Variants in ZNF90 observed in about 807,000 individuals in gnomAD.
The protein encoded by ZNF90 is zinc finger protein HTF9.
In ZNF90, 11 loss-of-function variants were observed where a neutral mutation model predicts 12.0. The observed-to-expected ratio is 0.92, with a 90% confidence interval of 0.58 to 1.52. The LOEUF (loss-of-function observed/expected upper bound fraction) is 1.52, where lower values mean the gene tolerates loss of function less well. ZNF90 is among the 40% of genes most tolerant of loss of function. The pLI, the probability that ZNF90 is intolerant of heterozygous loss-of-function variation, is 0.00. For missense variants in ZNF90, 765 were observed against 711.5 expected, an observed-to-expected ratio of 1.08 and a Z score of -0.86; for synonymous variants, 232 against 240.1, an observed-to-expected ratio of 0.97 and a Z score of 0.31.
intron 3 of ZNF90, among the ~76,000 whole-genome samples, chr19:20,111,611 CTATTT>C (rs1378864762): frequency 1.3e-5 from 2 of 151,736 alleles, no homozygotes; most frequent in Non-Finnish European, 2.9e-5. Flanking sequence ...TTCTCATTTC[CTATTT>C]TATTTTCTTA....
chr19:20,085,612 T>C (rs113999838), intron 1 of ZNF90, among the ~76,000 whole-genome samples: 2,898 of 152,296 alleles, frequency 0.019, 93 homozygotes, highest in African/African-American at 0.066. Flanking sequence ...TTTCTCTCTT[T>C]TGGTTTTTCC....
chr19:20,088,286 A>T (rs925644408), intron 1 of ZNF90, among the ~76,000 whole-genome samples: 4 of 151,934 alleles, frequency 2.6e-5, no homozygotes, highest in African/African-American at 9.7e-5. Flanking sequence ...GGGAACCTAG[A>T]GTGGGAGAGA....
At chr19:20,109,607 C>G (rs1190957083) in intron 3 of ZNF90, among the ~76,000 whole-genome samples, 3 of 151,868 alleles carry the variant, frequency 2.0e-5, no homozygotes, top group Admixed American at 2.0e-4. Flanking sequence ...ATGGTTGTGG[C>G]TCTCGTCTGT....
At chr19:20,101,710 TGTAATTTCTC>T (rs1555703921) in intron 1 of ZNF90, among the ~76,000 whole-genome samples, 3 of 152,094 alleles carry the variant, frequency 2.0e-5, no homozygotes, top group Non-Finnish European at 2.9e-5. Context: ...CAGATGCAGG[TGTAATTTCTC>T]CAGAGAATGT....
intron 1 of ZNF90, among the ~76,000 whole-genome samples, chr19:20,079,261 C>G (rs2088802347): frequency 6.6e-6 from 1 of 151,214 alleles, no homozygotes; most frequent in African/African-American, 2.4e-5. Flanking sequence ...AAGCTTGAAC[C>G]TAGTGATTCC....
At chr19:20,099,141 C>A (rs1353325263) in intron 1 of ZNF90, among the ~76,000 whole-genome samples, 1 of 152,060 alleles carries the variant, frequency 6.6e-6, no homozygotes, top group Non-Finnish European at 1.5e-5. Flanking sequence ...GATGTCTACA[C>A]CCGAAGGGCT....
chr19:20,106,992 G>A (rs2089045048), intron 3 of ZNF90: 2 of 454,418 alleles, frequency 4.4e-6, no homozygotes, highest in African/African-American at 4.0e-5. Context: ...AGACACTAGG[G>A]CATGTTTTTG....
At chr19:20,084,840 C>T (rs369351182) in intron 1 of ZNF90, among the ~76,000 whole-genome samples, 27 of 151,892 alleles carry the variant, frequency 1.8e-4, no homozygotes, top group Non-Finnish European at 3.5e-4. Flanking sequence ...TGAGGTTGTT[C>T]GGTTTTTTCT....
At chr19:20,088,099 G>A (rs1318360984) in intron 1 of ZNF90, among the ~76,000 whole-genome samples, 1 of 152,152 alleles carries the variant, frequency 6.6e-6, no homozygotes, top group Non-Finnish European at 1.5e-5. Flanking sequence ...AGGTCACAGG[G>A]GATGCGATGG....
At chr19:20,112,737 T>C (rs2089100881) in intron 3 of ZNF90, among the ~76,000 whole-genome samples, 1 of 152,218 alleles carries the variant, frequency 6.6e-6, no homozygotes, top group Non-Finnish European at 1.5e-5. Flanking sequence ...GTATTGCTGG[T>C]TAGAAATGTT....
intron 3 of ZNF90, among the ~76,000 whole-genome samples, chr19:20,111,096 CA>C (rs782682385): frequency 6.6e-6 from 1 of 152,042 alleles, no homozygotes; most frequent in Non-Finnish European, 1.5e-5. Flanking sequence ...GTGCCATGAC[CA>C]ATGTGATGTC....
At chr19:20,078,925 G>A (rs1433135988) in intron 1 of ZNF90, among the ~76,000 whole-genome samples, 1 of 152,004 alleles carries the variant, frequency 6.6e-6, no homozygotes, top group Admixed American at 6.5e-5. Context: ...TTCTAGACCA[G>A]CCTATCCAAC....
chr19:20,117,393 T>TCC lies in ZNF90; in HGVS notation c.227-388_227-387insCC, dbSNP rs1484352431. Among the ~76,000 whole-genome samples, 19 of 149,810 alleles carry TCC rather than the reference T, an allele frequency of 1.3e-4. 1 individual carries two copies. The highest frequency in any genetic ancestry group is 4.3e-4 in the African/African-American group (17 of 39,666). On this transcript the variant is annotated intron_variant, in intron 3 of 3. Coordinates refer to ENST00000418063, the MANE Select transcript of ZNF90 (RefSeq NM_007138.2). ...CTTTTTTTTCCTTTCTTTTCTTTTC[T>TCC]TTTCTCCTTCCTTCCTTCCTTCCTT...
chr19:20,097,615 C>T (rs1158185388), intron 1 of ZNF90, among the ~76,000 whole-genome samples: 1 of 152,100 alleles, frequency 6.6e-6, no homozygotes, highest in African/African-American at 2.4e-5. Context: ...TCTTTCTACT[C>T]TGCTAAAATG....
At chr19:20,101,602 C>T (rs1274215020) in intron 1 of ZNF90, among the ~76,000 whole-genome samples, 1 of 152,206 alleles carries the variant, frequency 6.6e-6, no homozygotes, top group Non-Finnish European at 1.5e-5. Context: ...TTTTAAAGGA[C>T]ATAAATGGGT....
chr19:20,119,143 T>C lies in ZNF90; in HGVS notation c.1589T>C (p.Ile530Thr). 15 of 1,612,306 alleles carry C rather than the reference T, an allele frequency of 9.3e-6. No individual in the cohort carries two copies. The highest frequency in any genetic ancestry group is 1.2e-5 in the Non-Finnish European group (14 of 1,179,436). Residue 530 changes from isoleucine to threonine, a missense_variant, in exon 4 of 4, where the codon ATT (isoleucine) becomes ACT (threonine). By Grantham distance (89) the Ile-to-Thr change is moderately conservative (BLOSUM62 -1). Transcript: ENST00000418063. The part of the protein sequence containing the change: ...RSSVLSKHKI[I>T]HTGAKPYKCE... The stretch of plus-strand genomic sequence containing the variant: ...TCAGTCCTTAGTAAACATAAGATAA[T>C]TCATACTGGAGCGAAACCCTACAAA...
chr19:20,096,560 T>C (rs952440391), intron 1 of ZNF90, among the ~76,000 whole-genome samples: 4 of 151,712 alleles, frequency 2.6e-5, no homozygotes, highest in Non-Finnish European at 4.4e-5. Flanking sequence ...GTGGGGGTGC[T>C]TTTTGAGCCA....
rs574471636 is a variant in ZNF90 at position 20,107,464 on chromosome 19, A to T, written c.226+2148A>T. 2.5e-3 allele frequency among the ~76,000 whole-genome samples: 385 copies of T among 152,214 alleles called. 3 individuals carry two copies. Among genetic ancestry groups the T allele is most frequent in the Middle Eastern group, 0.01 (3 of 294 alleles). On this transcript the variant is annotated intron_variant, in intron 3 of 3. Transcript: ENST00000418063. ...CAGCATTTCACAACTCCCTCCCTGG[A>T]TCTCAAATCTCTCTTAGAGGCCCTT... is the stretch of plus-strand genomic sequence containing the variant.
intron 3 of ZNF90, among the ~76,000 whole-genome samples, chr19:20,107,630 G>T (rs531876935): frequency 2.0e-5 from 3 of 152,264 alleles, no homozygotes; most frequent in African/African-American, 7.2e-5. Flanking sequence ...AGGCATTTTT[G>T]TCAGGGATGG....
Sources: gnomAD v4.1 joint callset for allele counts (sites outside exome capture counted in the v4.1 genomes callset) on GRCh38, gnomAD v4.1.1 for gene constraint, MANE v1.5 for transcripts, NCBI Gene and HGNC (gene_info 2026-07-23, HGNC 2026-07-21) for gene names.